SLC22A23: variants seen among roughly 807,000 people sequenced by gnomAD.
The protein encoded by SLC22A23 is ion transporter protein.
In SLC22A23, 26 loss-of-function variants were observed where a neutral mutation model predicts 61.0. That is an observed-to-expected ratio of 0.43 (90% confidence interval 0.31 to 0.59). The LOEUF is 0.59. SLC22A23 is among the 20% of genes least tolerant of loss of function. SLC22A23 has a pLI of 0.11. For synonymous variants in SLC22A23, 430 were observed against 413.9 expected (o/e 1.04, Z -0.47); for missense variants, 796 against 934.7 (o/e 0.85, Z 1.94).
At chr6:3,416,084 C>T (rs1412756125) in intron 1 of SLC22A23, among the ~76,000 whole-genome samples, 2 of 152,214 alleles carry the variant, frequency 1.3e-5, no homozygotes, top group East Asian at 3.8e-4. Flanking sequence ...TATAAGTCTG[C>T]AAAGAATGAC....
In SLC22A23 at chr6:3,328,481, G is replaced by A. The variant is rs746313567; in HGVS notation, c.914-4479C>T. On this transcript the variant is annotated intron_variant, in intron 3 of 9. Coordinates refer to ENST00000406686, the MANE Select transcript of SLC22A23 (RefSeq NM_015482.2). This position sits in a 1 kb window ranked among gnomAD's most constrained non-coding sequence, Gnocchi z 5.0. Reference sequence around the variant, plus strand: ...GGGGTGTGGGGGTTTGATGTGTCACGTGGCGGGGCTGCAGTCTTAGGCATT... The same window carrying A: ...GGGGTGTGGGGGTTTGATGTGTCACATGGCGGGGCTGCAGTCTTAGGCATT... Among the ~76,000 whole-genome samples the A allele has an allele frequency of 6.6e-6, 1 of 152,100 alleles. No homozygotes were observed. Among genetic ancestry groups the A allele is most frequent in the Non-Finnish European group, 1.5e-5 (1 of 68,026 alleles).
At position 3,327,557 on chromosome 6, in the gene SLC22A23, C is replaced by A. The variant is rs73354754; in HGVS notation, c.914-3555G>T. ...AAGCCTGGACTCCGTAGCTAGAGTGCCCAAGTTCAAATCCTGCTCCTGGTA... is the reference window on the plus strand; with the variant it reads ...AAGCCTGGACTCCGTAGCTAGAGTGACCAAGTTCAAATCCTGCTCCTGGTA... On this transcript the variant is annotated intron_variant, in intron 3 of 9. Transcript: ENST00000406686. This position sits in a 1 kb window ranked among gnomAD's most constrained non-coding sequence, Gnocchi z 4.1. 6.6e-6 allele frequency among the ~76,000 whole-genome samples: 1 copy of A among 152,200 alleles called. No homozygotes were observed. Among genetic ancestry groups the A allele is most frequent in the East Asian group, 1.9e-4 (1 of 5,200 alleles).
In SLC22A23 at chr6:3,386,506, A is replaced by T. The variant is rs2127480844; in HGVS notation, c.913+23682T>A. On this transcript the variant is annotated intron_variant, in intron 3 of 9. Coordinates refer to ENST00000406686, the MANE Select transcript of SLC22A23 (RefSeq NM_015482.2). This position sits in a 1 kb window ranked among gnomAD's most constrained non-coding sequence, Gnocchi z 4.4. ...GGAGGGTCTGAATAAAGCAGCCAAC[A>T]GGAGGCTCCGGGTTCTGAGGCAGCC... Among the ~76,000 whole-genome samples the T allele has an allele frequency of 6.6e-6, 1 of 152,340 alleles. No individual in the cohort carries two copies. The highest frequency in any genetic ancestry group is 1.5e-5 in the Non-Finnish European group (1 of 68,030).
intron 3 of SLC22A23, among the ~76,000 whole-genome samples, chr6:3,353,418 C>T (rs1387663776): frequency 1.3e-5 from 2 of 152,232 alleles, no homozygotes; most frequent in Non-Finnish European, 2.9e-5. Flanking sequence ...TCCTGTGTCT[C>T]AACATCTGGC....
At chr6:3,375,133 G>C (rs1437012403) in intron 3 of SLC22A23, among the ~76,000 whole-genome samples, 1 of 152,050 alleles carries the variant, frequency 6.6e-6, no homozygotes, top group Non-Finnish European at 1.5e-5. Context: ...ATAGCGATAA[G>C]AAGTGAGACT....
chr6:3,444,676 C>T, intron 1 of SLC22A23: 1 of 574,564 alleles, frequency 1.7e-6, no homozygotes. Context: ...GCTTTCTGAT[C>T]CCGGCCTCTC....
At chr6:3,432,646 G>C (rs898261553) in intron 1 of SLC22A23, among the ~76,000 whole-genome samples, 1 of 152,194 alleles carries the variant, frequency 6.6e-6, no homozygotes, top group African/African-American at 2.4e-5. Context: ...AATGCAGTTC[G>C]TCTCAGGATG....
intron 9 of SLC22A23, among the ~76,000 whole-genome samples, chr6:3,277,667 G>A (rs930580999): frequency 4.6e-5 from 7 of 152,096 alleles, no homozygotes; most frequent in Non-Finnish European, 8.8e-5. Flanking sequence ...GCTCCACTCC[G>A]TGTGCTGTCC....
chr6:3,335,045 G>A (rs1763775240), intron 3 of SLC22A23, among the ~76,000 whole-genome samples: 1 of 152,186 alleles, frequency 6.6e-6, no homozygotes, highest in Non-Finnish European at 1.5e-5. Context: ...GAGGCTGATA[G>A]AACGTACAGC....
rs1761209399 is a variant in SLC22A23 at position 3,297,464 on chromosome 6, C to T, written c.1210+627G>A. Among the ~76,000 whole-genome samples, 1 of 152,124 alleles carries T rather than the reference C, an allele frequency of 6.6e-6. No individual in the cohort carries two copies. The highest frequency in any genetic ancestry group is 2.4e-5 in the African/African-American group (1 of 41,392). Reference sequence around the variant, plus strand: ...GAAATGCAAGTTCTCAGGGCTTATCCCAAATCTAACAGGTCAGGATCTCCA... The same window carrying T: ...GAAATGCAAGTTCTCAGGGCTTATCTCAAATCTAACAGGTCAGGATCTCCA... On this transcript the variant is annotated intron_variant, in intron 5 of 9. Coordinates refer to ENST00000406686, the MANE Select transcript of SLC22A23 (RefSeq NM_015482.2). This position sits in a 1 kb window ranked among gnomAD's most constrained non-coding sequence, Gnocchi z 4.3.
At chr6:3,406,584 G>A (rs1365337967) in intron 3 of SLC22A23, among the ~76,000 whole-genome samples, 2 of 151,794 alleles carry the variant, frequency 1.3e-5, no homozygotes, top group African/African-American at 4.8e-5. Context: ...GTGTCCAGAG[G>A]CCACTGATCC....
At chr6:3,346,411 A>C (rs1269108756) in intron 3 of SLC22A23, among the ~76,000 whole-genome samples, 1 of 151,680 alleles carries the variant, frequency 6.6e-6, no homozygotes, top group Non-Finnish European at 1.5e-5. Context: ...GGGGGCAGCA[A>C]CCCCTTCCTC....
Position 3,309,810 on chromosome 6 carries a change from G to A in SLC22A23, c.1083-11592C>T, listed in dbSNP as rs539233630. 6.6e-6 allele frequency among the ~76,000 whole-genome samples: 1 copy of A among 152,272 alleles called. No individual in the cohort carries two copies. The highest frequency in any genetic ancestry group is 1.5e-5 in the Non-Finnish European group (1 of 68,028). On this transcript the variant is annotated intron_variant, in intron 4 of 9. Coordinates refer to ENST00000406686, the MANE Select transcript of SLC22A23 (RefSeq NM_015482.2). The surrounding 1 kb of genome is among the most constrained non-coding windows in gnomAD (Gnocchi z 4.7). Reference sequence around the variant, plus strand: ...TACAAAACGGAACTACAGTCAGAAGGGCATCTCCGGATTGCACTTAACCCA... The same window carrying A: ...TACAAAACGGAACTACAGTCAGAAGAGCATCTCCGGATTGCACTTAACCCA...
intron 1 of SLC22A23, among the ~76,000 whole-genome samples, chr6:3,431,066 C>CAAA (rs751754256): frequency 3.9e-5 from 5 of 129,456 alleles, no homozygotes; most frequent in African/African-American, 6.1e-5. Flanking sequence ...AACTCCGTCT[C>CAAA]AAAAAAAAAA....
chr6:3,454,753 G>A lies in SLC22A23; in HGVS notation c.654+1153C>T, dbSNP rs1325447283. Among the ~76,000 whole-genome samples, 2 of 152,148 alleles carry A rather than the reference G, an allele frequency of 1.3e-5. No homozygotes were observed. Among genetic ancestry groups the A allele is most frequent in the South Asian group, 2.1e-4 (1 of 4,824 alleles). On this transcript the variant is annotated intron_variant, in intron 1 of 9. Transcript: ENST00000406686. The surrounding 1 kb of genome is among the most constrained non-coding windows in gnomAD (Gnocchi z 4.3). ...CACAGGACAGAGCATTTCTGGCCAGGTTGGTACAAGATTAAAACAATGATT... is the reference window on the plus strand; with the variant it reads ...CACAGGACAGAGCATTTCTGGCCAGATTGGTACAAGATTAAAACAATGATT...
intron 3 of SLC22A23, among the ~76,000 whole-genome samples, chr6:3,393,000 C>A (rs1039904259): frequency 6.6e-6 from 1 of 152,122 alleles, no homozygotes; most frequent in African/African-American, 2.4e-5. Flanking sequence ...CCAGATCCAA[C>A]CTTTGGAGGG....
At chr6:3,449,560 T>G (rs115547697) in intron 1 of SLC22A23, among the ~76,000 whole-genome samples, 2,068 of 152,302 alleles carry the variant, frequency 0.014, 19 homozygotes, top group African/African-American at 0.019. Flanking sequence ...TCAAAAACTT[T>G]CAAAAAGATG....
At chr6:3,407,081 C>A (rs1001091041) in intron 3 of SLC22A23, among the ~76,000 whole-genome samples, 1 of 152,192 alleles carries the variant, frequency 6.6e-6, no homozygotes, top group Non-Finnish European at 1.5e-5. Flanking sequence ...GCCTTTCCAG[C>A]AGATGCATTA....
chr6:3,440,445 T>G (rs1771515985), intron 1 of SLC22A23, among the ~76,000 whole-genome samples: 1 of 151,976 alleles, frequency 6.6e-6, no homozygotes, highest in Non-Finnish European at 1.5e-5. Flanking sequence ...CGGTGGCTCA[T>G]GCCTGTAATC....
Sources: gnomAD v4.1 joint callset for allele counts (sites outside exome capture counted in the v4.1 genomes callset) on GRCh38, gnomAD v4.1.1 for gene constraint, Gnocchi (gnomAD v3.1) non-coding constraint, MANE v1.5 for transcripts, NCBI Gene and HGNC (gene_info 2026-07-23, HGNC 2026-07-21) for gene names.